Variants in ELP4 observed in about 807,000 individuals in gnomAD.
ELP4 encodes the protein elongator complex protein 4.
Under a neutral mutation model 48.9 loss-of-function variants are expected in ELP4, and 51 were observed. The observed-to-expected ratio is 1.04, with a 90% CI of 0.83 to 1.32. The LOEUF is 1.32. ELP4 is among the 40% of genes most tolerant of loss of function. The probability of loss-of-function intolerance (pLI) is 0.00; values close to 1 mark genes in which losing one functional copy is unlikely to be tolerated. For missense variants in ELP4, 519 were observed against 514.6 expected, an observed-to-expected ratio of 1.01 and a Z score of -0.08; for synonymous variants, 210 against 189.2, an observed-to-expected ratio of 1.11 and a Z score of -0.90.
At chr11:31,668,249 C>T (rs973089020) in intron 9 of ELP4, among the ~76,000 whole-genome samples, 4 of 151,924 alleles carry the variant, frequency 2.6e-5, no homozygotes, top group South Asian at 2.1e-4. Flanking sequence ...TTTTAATATA[C>T]GTATATGCTT....
chr11:31,605,014 G>A (rs111261780), intron 5 of ELP4, among the ~76,000 whole-genome samples: 21 of 151,980 alleles, frequency 1.4e-4, no homozygotes, highest in African/African-American at 4.8e-4. Flanking sequence ...TTTTCTAGAA[G>A]ATACTGAAAT....
chr11:31,725,867 C>T (rs1184098000), intron 9 of ELP4, among the ~76,000 whole-genome samples: 1 of 152,162 alleles, frequency 6.6e-6, no homozygotes, highest in Non-Finnish European at 1.5e-5. Context: ...TAAGCAACTA[C>T]TCCCCATGCC....
At chr11:31,546,951 C>A (rs1421169503) in intron 3 of ELP4, among the ~76,000 whole-genome samples, 2 of 152,020 alleles carry the variant, frequency 1.3e-5, no homozygotes, top group Non-Finnish European at 2.9e-5. Flanking sequence ...AACAAAGACA[C>A]AACGTACCAG....
intron 9 of ELP4, among the ~76,000 whole-genome samples, chr11:31,706,402 G>T (rs1946633038): frequency 6.6e-6 from 1 of 151,412 alleles, no homozygotes; most frequent in South Asian, 2.1e-4. Flanking sequence ...AGGCCAAGGT[G>T]GGAAGATTGC....
intron 3 of ELP4, among the ~76,000 whole-genome samples, chr11:31,587,406 G>A (rs1249423776): frequency 2.0e-5 from 3 of 152,144 alleles, no homozygotes; most frequent in African/African-American, 2.4e-5. Flanking sequence ...GAAAGTAAGT[G>A]CTAATTTCCT....
At chr11:31,526,817 A>G (rs1486286951) in intron 2 of ELP4, among the ~76,000 whole-genome samples, 3 of 151,910 alleles carry the variant, frequency 2.0e-5, no homozygotes, top group African/African-American at 7.2e-5. Flanking sequence ...TATATTAGTT[A>G]TTTTCAATGT....
intron 3 of ELP4, among the ~76,000 whole-genome samples, chr11:31,577,589 A>G (rs909242633): frequency 5.3e-5 from 8 of 152,062 alleles, no homozygotes; most frequent in African/African-American, 1.9e-4. Context: ...CAAAAAGCTT[A>G]TACACCACGA....
chr11:31,567,196 G>A (rs186131747), intron 3 of ELP4, among the ~76,000 whole-genome samples: 14 of 152,038 alleles, frequency 9.2e-5, no homozygotes, highest in Admixed American at 7.9e-4. Flanking sequence ...GCCTCCCAAA[G>A]TGCTGGGATT....
At chr11:31,781,278 TC>T (rs1213780868) in intron 9 of ELP4, among the ~76,000 whole-genome samples, 1 of 152,158 alleles carries the variant, frequency 6.6e-6, no homozygotes, top group Non-Finnish European at 1.5e-5. Flanking sequence ...AATTTTTTTT[TC>T]AGATAACCTT....
chr11:31,734,967 A>G (rs2134207746), intron 9 of ELP4, among the ~76,000 whole-genome samples: 1 of 152,340 alleles, frequency 6.6e-6, no homozygotes, highest in Non-Finnish European at 1.5e-5. Flanking sequence ...CATATTACAA[A>G]GCTACAGTAA....
At chr11:31,710,460 A>G (rs1002338511) in intron 9 of ELP4, among the ~76,000 whole-genome samples, 6 of 152,124 alleles carry the variant, frequency 3.9e-5, no homozygotes, top group Admixed American at 3.9e-4. Context: ...CCCTGTCTCC[A>G]CTAAAAATAC....
chr11:31,568,845 G>A (rs1470280912), intron 3 of ELP4, among the ~76,000 whole-genome samples: 1 of 152,136 alleles, frequency 6.6e-6, no homozygotes, highest in Non-Finnish European at 1.5e-5. Flanking sequence ...AACACTTTGG[G>A]AGGCTGAGGC....
chr11:31,557,214 A>G (rs1296086301), intron 3 of ELP4, among the ~76,000 whole-genome samples: 1 of 151,868 alleles, frequency 6.6e-6, no homozygotes, highest in Admixed American at 6.6e-5. Flanking sequence ...TTAAAATAAT[A>G]TCTTAATAAT....
intron 7 of ELP4, among the ~76,000 whole-genome samples, chr11:31,641,326 G>C (rs532269672): frequency 6.6e-6 from 1 of 151,184 alleles, no homozygotes; most frequent in South Asian, 2.1e-4. Flanking sequence ...AGATTGTGAA[G>C]TCTGTAGCCC....
At chr11:31,699,064 G>A (rs1276313154) in intron 9 of ELP4, among the ~76,000 whole-genome samples, 1 of 152,114 alleles carries the variant, frequency 6.6e-6, no homozygotes, top group Non-Finnish European at 1.5e-5. Flanking sequence ...GTGAGTTTAT[G>A]TACTATATAT....
chr11:31,554,005 G>A (rs1248594862), intron 3 of ELP4, among the ~76,000 whole-genome samples: 3 of 152,158 alleles, frequency 2.0e-5, no homozygotes, highest in Non-Finnish European at 4.4e-5. Flanking sequence ...ATAGGAGCAT[G>A]AACCCTATTG....
intron 9 of ELP4, among the ~76,000 whole-genome samples, chr11:31,734,849 A>C (rs1206259714): frequency 1.3e-5 from 2 of 152,206 alleles, no homozygotes; most frequent in Non-Finnish European, 2.9e-5. Context: ...TTTTTACAGA[A>C]ATAGAAAAAT....
intron 9 of ELP4, among the ~76,000 whole-genome samples, chr11:31,773,773 A>G (rs372735177): frequency 3.9e-5 from 6 of 152,188 alleles, no homozygotes; most frequent in African/African-American, 1.4e-4. Context: ...GATAAAGCTA[A>G]TGCACACCTT....
At chr11:31,674,098 T>C (rs952550872) in intron 9 of ELP4, among the ~76,000 whole-genome samples, 18 of 152,222 alleles carry the variant, frequency 1.2e-4, no homozygotes, top group African/African-American at 4.3e-4. Context: ...TCGTGGAGAA[T>C]ACATCAGCAA....
Sources: gnomAD v4.1 joint callset for allele counts (sites outside exome capture counted in the v4.1 genomes callset) on GRCh38, gnomAD v4.1.1 for gene constraint, MANE v1.5 for transcripts, NCBI Gene and HGNC (gene_info 2026-07-23, HGNC 2026-07-21) for gene names.